Variants in HTR4 observed in about 807,000 individuals in gnomAD.
The protein encoded by HTR4 is 5-hydroxytryptamine receptor 4, also known as 5-hydroxytryptamine (serotonin) receptor 4, G protein-coupled.
Under a neutral mutation model 36.8 loss-of-function variants are expected in HTR4, and 16 were observed. That is an observed-to-expected ratio of 0.43 (90% CI 0.29 to 0.66). The LOEUF (loss-of-function observed/expected upper bound fraction) is 0.66. Among genes scored for constraint, HTR4 ranks in the 30% least tolerant of loss-of-function variants. HTR4 has a pLI of 0.13. For synonymous variants in HTR4, 189 were observed against 185.1 expected (o/e 1.02, Z -0.17); for missense variants, 438 against 490.9 (o/e 0.89, Z 1.02).
intron 2 of HTR4, among the ~76,000 whole-genome samples, chr5:148,579,180 T>G (rs1761041678): frequency 1.3e-5 from 2 of 152,134 alleles, no homozygotes; most frequent in African/African-American, 4.8e-5. Flanking sequence ...TTCTTTAAGT[T>G]GAGCCTGGGG....
intron 4 of HTR4, among the ~76,000 whole-genome samples, chr5:148,538,319 G>T (rs1305736749): frequency 3.9e-5 from 6 of 152,042 alleles, no homozygotes; most frequent in African/African-American, 1.4e-4. Flanking sequence ...CTTTACAAAT[G>T]GCACAAGACA....
Position 148,510,033 on chromosome 5 carries a change from TGGAG to T in HTR4, c.508-13_508-10del. ...AACTTCCTCTTTTCTATCTGAGAGT[TGGAG>T]GGAGAGAGGAAATGAGGAAAGGAGG... is the stretch of plus-strand genomic sequence containing the variant. On this transcript the variant is annotated splice_polypyrimidine_tract_variant and intron_variant, in intron 5 of 6. Transcript: ENST00000377888. 6.3e-7 allele frequency: 1 copy of T among 1,585,298 alleles called. No individual in the cohort carries two copies.
At chr5:148,458,430 T>C (rs959487130) in intron 5 of HTR4, among the ~76,000 whole-genome samples, 1 of 152,110 alleles carries the variant, frequency 6.6e-6, no homozygotes, top group African/African-American at 2.4e-5. Flanking sequence ...ACACAGTCCC[T>C]GTCCTCATGG....
chr5:148,594,354 GT>G (rs1268051488), intron 2 of HTR4, among the ~76,000 whole-genome samples: 74 of 64,656 alleles, frequency 1.1e-3, no homozygotes, highest in African/African-American at 3.8e-3. Context: ...TGGGTTTCGT[GT>G]GTGTGTGTGT....
At chr5:148,636,365 C>A (rs923063928) in intron 2 of HTR4, among the ~76,000 whole-genome samples, 2 of 152,152 alleles carry the variant, frequency 1.3e-5, no homozygotes, top group Admixed American at 1.3e-4. Flanking sequence ...AATGCCAATT[C>A]ATAACATTGA....
Position 148,651,479 on chromosome 5 carries a change from C to T in HTR4, c.-48+2583G>A, listed in dbSNP as rs773927658. On this transcript the variant is annotated intron_variant, in intron 1 of 6. Transcript: ENST00000377888. Reference sequence around the variant, plus strand: ...AACTGGAGTGGTAGGAGGAGGGGTACTTTGCCCACCCACCCCCCGGACATT... The same window carrying T: ...AACTGGAGTGGTAGGAGGAGGGGTATTTTGCCCACCCACCCCCCGGACATT... Among the ~76,000 whole-genome samples, 156 of 152,112 alleles carry T rather than the reference C, an allele frequency of 1.0e-3. 2 individuals are homozygous for T. Among genetic ancestry groups the T allele is most frequent in the Non-Finnish European group, 5.9e-4 (40 of 67,990 alleles).
intron 2 of HTR4, among the ~76,000 whole-genome samples, chr5:148,585,770 A>G (rs1408119575): frequency 6.6e-6 from 1 of 152,316 alleles, no homozygotes; most frequent in Non-Finnish European, 1.5e-5. Flanking sequence ...GTATACCGTC[A>G]GAAAGTATTC....
chr5:148,507,183 A>G (rs1255305537), intron 6 of HTR4, among the ~76,000 whole-genome samples: 1 of 152,076 alleles, frequency 6.6e-6, no homozygotes, highest in Non-Finnish European at 1.5e-5. Flanking sequence ...ACCATGGAAT[A>G]CTATGCAGCC....
At chr5:148,586,863 C>G (rs911381159) in intron 2 of HTR4, among the ~76,000 whole-genome samples, 33 of 152,136 alleles carry the variant, frequency 2.2e-4, no homozygotes, top group African/African-American at 7.5e-4. Context: ...CTTCTCTCAC[C>G]CACTCCTTTA....
chr5:148,580,776 T>C (rs746157728), intron 2 of HTR4, among the ~76,000 whole-genome samples: 1 of 152,118 alleles, frequency 6.6e-6, no homozygotes, highest in Non-Finnish European at 1.5e-5. Context: ...CATTCATCTG[T>C]TGATAGACAT....
chr5:148,521,151 C>A (rs1258262529), intron 5 of HTR4, among the ~76,000 whole-genome samples: 2 of 152,184 alleles, frequency 1.3e-5, no homozygotes, highest in Non-Finnish European at 2.9e-5. Context: ...TATATCCCTG[C>A]TAAAGAATCC....
At chr5:148,571,659 G>C (rs545876825) in intron 2 of HTR4, among the ~76,000 whole-genome samples, 65 of 151,926 alleles carry the variant, frequency 4.3e-4, no homozygotes, top group Non-Finnish European at 7.7e-4. Context: ...AGGCTGTTTC[G>C]ATAGACAAGA....
intron 2 of HTR4, among the ~76,000 whole-genome samples, chr5:148,611,956 TC>T (rs1255434806): frequency 2.6e-5 from 4 of 152,024 alleles, no homozygotes; most frequent in African/African-American, 4.8e-5. Context: ...GGTAAAGGGA[TC>T]AATTCAACAA....
Position 148,548,766 on chromosome 5 carries a change from G to A in HTR4, c.255C>T (p.Ile85=), listed in dbSNP as rs753829982. 10 of 1,613,922 alleles carry A rather than the reference G, an allele frequency of 6.2e-6. No individual in the cohort carries two copies. In the East Asian group the frequency reaches 8.9e-5, roughly 14 times the overall value. The change falls in exon 4 of 7, where the codon ATC becomes ATT. Residue 85 remains isoleucine (I), a synonymous_variant. Transcript: ENST00000377888. The part of the protein sequence containing the change: ...PFGAIELVQD[I]WIYGEVFCLV... ...GACAAAACACCTCCCCATAAATCCA[G>A]ATGTCTTGAACCAGCTCAATGGCAC...
chr5:148,537,891 A>G (rs1202781648), intron 4 of HTR4, among the ~76,000 whole-genome samples: 3 of 152,206 alleles, frequency 2.0e-5, no homozygotes. Flanking sequence ...GTATGAGACC[A>G]GCATCGTCTT....
intron 5 of HTR4, among the ~76,000 whole-genome samples, chr5:148,464,784 A>G (rs2113697351): frequency 6.6e-6 from 1 of 152,318 alleles, no homozygotes; most frequent in East Asian, 1.9e-4. Context: ...GCACACATGT[A>G]TACAGGAGCT....
chr5:148,575,825 A>G (rs1359524244), intron 2 of HTR4, among the ~76,000 whole-genome samples: 1 of 152,050 alleles, frequency 6.6e-6, no homozygotes, highest in Non-Finnish European at 1.5e-5. Flanking sequence ...AACCGGCCCA[A>G]GACAAGGATG....
chr5:148,483,088 C>T lies in HTR4; in HGVS notation c.*115G>A. The T allele has an allele frequency of 1.3e-6, 2 of 1,520,774 alleles. No homozygotes were observed. The highest frequency in any genetic ancestry group is 1.3e-5 in the South Asian group (1 of 79,998). The allele number at this position is 1,520,774 out of a possible 1,614,324, so 94.2% of individuals were successfully genotyped here. A position where few individuals can be genotyped will look rare whatever the true frequency, so the allele number is the denominator to read the frequency against. ...AGCGAGCACCGGGTTCCTGCACTGGCGGACGGAAAGCCTCAGGTGAAGAGA... is the reference window on the plus strand; with the variant it reads ...AGCGAGCACCGGGTTCCTGCACTGGTGGACGGAAAGCCTCAGGTGAAGAGA... On this transcript the variant is annotated 3_prime_UTR_variant, in exon 7 of 7. Coordinates refer to ENST00000377888, the MANE Select transcript of HTR4 (RefSeq NM_000870.7).
At chr5:148,539,562 A>G (rs2113829553) in intron 4 of HTR4, among the ~76,000 whole-genome samples, 1 of 152,380 alleles carries the variant, frequency 6.6e-6, no homozygotes, top group African/African-American at 2.4e-5. Context: ...TGGTCAAAGG[A>G]CATGAACAGA....
Sources: gnomAD v4.1 joint callset for allele counts (sites outside exome capture counted in the v4.1 genomes callset) on GRCh38, gnomAD v4.1.1 for gene constraint, MANE v1.5 for transcripts, NCBI Gene and HGNC (gene_info 2026-07-23, HGNC 2026-07-21) for gene names.